The following SPAG16 variants were observed in gnomAD, a reference collection of about 807,000 sequenced individuals.
The protein encoded by SPAG16 is sperm associated antigen 16.
In SPAG16, 86 loss-of-function variants were observed where a neutral mutation model predicts 80.4. That is an observed-to-expected ratio of 1.07 (90% CI 0.90 to 1.28). The LOEUF (loss-of-function observed/expected upper bound fraction) is 1.28. SPAG16 is among the 50% of genes most tolerant of loss of function. SPAG16 has a pLI of 0.00. For synonymous variants in SPAG16, 294 were observed against 265.9 expected (o/e 1.11, Z -1.03); for missense variants, 870 against 765.3 (o/e 1.14, Z -1.61).
rs1388696786 is a variant in SPAG16, at chr2:214,229,328, AT to A, written c.1720+80063del. 2.0e-5 allele frequency among the ~76,000 whole-genome samples: 3 copies of A among 151,910 alleles called. No individual in the cohort carries two copies. The East Asian group carries it at 5.8e-4, about 29-fold the overall frequency. ...ATCTTTCAGTAGAGTAGGGGAGAAAATATCTTAATCCATAAAAATAGCTAAA... is the reference window on the plus strand; with the variant it reads ...ATCTTTCAGTAGAGTAGGGGAGAAAAATCTTAATCCATAAAAATAGCTAAA... On this transcript the variant is annotated intron_variant, in intron 15 of 15. Transcript: ENST00000331683.
At chr2:213,627,883 C>A (rs1217250673) in intron 10 of SPAG16, among the ~76,000 whole-genome samples, 1 of 152,182 alleles carries the variant, frequency 6.6e-6, no homozygotes, top group Non-Finnish European at 1.5e-5. Context: ...GTGAGTGCTT[C>A]GCAGCATCAC....
intron 15 of SPAG16, among the ~76,000 whole-genome samples, chr2:214,201,475 T>G (rs932277136): frequency 6.6e-6 from 1 of 152,110 alleles, no homozygotes; most frequent in Non-Finnish European, 1.5e-5. Flanking sequence ...GACCTACATG[T>G]GGTTTGCATT....
At chr2:213,422,057 C>T (rs773227682) in intron 9 of SPAG16, 22 of 605,002 alleles carry the variant, frequency 3.6e-5, no homozygotes, top group Middle Eastern at 4.4e-4. Context: ...GGAATGAACT[C>T]GGGACCCACT....
At chr2:214,309,774 G>A (rs1021558460) in intron 15 of SPAG16, among the ~76,000 whole-genome samples, 1 of 152,018 alleles carries the variant, frequency 6.6e-6, no homozygotes, top group Non-Finnish European at 1.5e-5. Flanking sequence ...TCACTTTGCC[G>A]GGGGAACCAA....
intron 9 of SPAG16, among the ~76,000 whole-genome samples, chr2:213,464,201 C>T (rs2072544522): frequency 6.6e-6 from 1 of 152,192 alleles, no homozygotes. Flanking sequence ...AAAGGCTGTC[C>T]TTACGTCATT....
intron 10 of SPAG16, among the ~76,000 whole-genome samples, chr2:213,531,636 A>G (rs1169372969): frequency 6.6e-6 from 1 of 152,028 alleles, no homozygotes; most frequent in Non-Finnish European, 1.5e-5. Context: ...AGATATATGG[A>G]TCTTTTTCTT....
At chr2:213,625,783 G>A (rs1191150399) in intron 10 of SPAG16, among the ~76,000 whole-genome samples, 2 of 151,978 alleles carry the variant, frequency 1.3e-5, no homozygotes, top group Non-Finnish European at 2.9e-5. Context: ...TCCTAGGTGA[G>A]TTCGAGTGAT....
At chr2:214,379,448 T>C (rs971536170) in intron 15 of SPAG16, among the ~76,000 whole-genome samples, 19 of 152,220 alleles carry the variant, frequency 1.2e-4, no homozygotes, top group African/African-American at 4.6e-4. Flanking sequence ...TCCTTTTGTA[T>C]TCCTTGGAGT....
chr2:213,514,411 TA>T (rs1389276554), intron 10 of SPAG16, among the ~76,000 whole-genome samples: 2 of 152,236 alleles, frequency 1.3e-5, no homozygotes, highest in Non-Finnish European at 1.5e-5. Flanking sequence ...TTACATCATT[TA>T]AAAATATAAT....
At chr2:213,973,347 C>T (rs1354976338) in intron 12 of SPAG16, among the ~76,000 whole-genome samples, 1 of 151,936 alleles carries the variant, frequency 6.6e-6, no homozygotes, top group African/African-American at 2.4e-5. Context: ...CTTCATTTGC[C>T]TTCCCTTTTT....
intron 9 of SPAG16, among the ~76,000 whole-genome samples, chr2:213,453,601 T>C (rs1213942774): frequency 6.6e-6 from 1 of 152,164 alleles, no homozygotes; most frequent in African/African-American, 2.4e-5. Flanking sequence ...ACCACTTAAG[T>C]AAGGGAGACC....
intron 10 of SPAG16, among the ~76,000 whole-genome samples, chr2:213,648,205 G>A (rs1171477518): frequency 2.0e-5 from 3 of 152,128 alleles, no homozygotes; most frequent in Non-Finnish European, 4.4e-5. Context: ...AGCAAGCAAA[G>A]TTTTAACATT....
intron 5 of SPAG16, among the ~76,000 whole-genome samples, chr2:213,334,263 A>G (rs2064243051): frequency 6.6e-6 from 1 of 152,218 alleles, no homozygotes; most frequent in Non-Finnish European, 1.5e-5. Flanking sequence ...ATGAGCTGTC[A>G]TCTCACCCCA....
chr2:213,856,806 A>G (rs564684544), intron 10 of SPAG16, among the ~76,000 whole-genome samples: 1 of 151,680 alleles, frequency 6.6e-6, no homozygotes, highest in African/African-American at 2.4e-5. Context: ...CCATTTTTTC[A>G]TTTTAAGTTT....
intron 10 of SPAG16, among the ~76,000 whole-genome samples, chr2:213,813,527 C>T (rs1050634916): frequency 1.3e-5 from 2 of 152,126 alleles, no homozygotes; most frequent in Non-Finnish European, 2.9e-5. Flanking sequence ...CAAAAGCTAT[C>T]TTCTGCTAGA....
At chr2:213,728,129 G>A (rs1312034383) in intron 10 of SPAG16, among the ~76,000 whole-genome samples, 10 of 152,166 alleles carry the variant, frequency 6.6e-5, no homozygotes, top group Admixed American at 6.5e-4. Context: ...GATTACAGAC[G>A]TGAACCACTG....
intron 13 of SPAG16, among the ~76,000 whole-genome samples, chr2:214,047,758 C>A (rs187470338): frequency 6.6e-6 from 1 of 152,202 alleles, no homozygotes. Flanking sequence ...AGACAAGTCA[C>A]AGAATGGGAG....
chr2:214,194,415 G>T (rs1462849543), intron 15 of SPAG16, among the ~76,000 whole-genome samples: 2 of 151,892 alleles, frequency 1.3e-5, no homozygotes, highest in Non-Finnish European at 2.9e-5. Flanking sequence ...TTGTATGTTT[G>T]GTATCTGAAA....
At chr2:213,643,388 ATATATATATATATATATATATATT>A (rs1559337926) in intron 10 of SPAG16, among the ~76,000 whole-genome samples, 19 of 73,934 alleles carry the variant, frequency 2.6e-4, no homozygotes, top group Non-Finnish European at 4.6e-4. Flanking sequence ...ATATATATAT[ATATATATATATATATATATATATT>A]TTATCTCTTG....
Sources: allele counts gnomAD v4.1 joint callset (sites outside exome capture counted in the v4.1 genomes callset), GRCh38; gene constraint gnomAD v4.1.1; transcripts MANE v1.5; gene names NCBI Gene and HGNC (gene_info 2026-07-23, HGNC 2026-07-21).